The following DEPDC5 variants were observed in gnomAD, a reference collection of about 807,000 sequenced individuals.
DEPDC5 encodes the protein DEP domain containing 5, GATOR1 subcomplex subunit.
Under a neutral mutation model 217.3 loss-of-function variants are expected in DEPDC5, and 73 were observed. The observed-to-expected ratio is 0.34, with a 90% CI of 0.28 to 0.41. The LOEUF (loss-of-function observed/expected upper bound fraction) is 0.41, where lower values mean the gene tolerates loss of function less well. Ranked by LOEUF, DEPDC5 falls within the 10% of genes least tolerant of loss-of-function variation. The pLI is 1.00. For synonymous variants in DEPDC5, 733 were observed against 756.7 expected, an observed-to-expected ratio of 0.97 and a Z score of 0.51; for missense variants, 1,675 against 2,070.1, an observed-to-expected ratio of 0.81 and a Z score of 3.70.
intron 2 of DEPDC5, among the ~76,000 whole-genome samples, chr22:31,755,928 A>C (rs1052957296): frequency 6.6e-6 from 1 of 151,430 alleles, no homozygotes; most frequent in South Asian, 2.1e-4. Flanking sequence ...GCTGGAGTGC[A>C]GTGGCGTGAT....
intron 31 of DEPDC5, among the ~76,000 whole-genome samples, chr22:31,852,309 T>C (rs1369116179): frequency 1.3e-5 from 2 of 151,932 alleles, no homozygotes; most frequent in African/African-American, 4.8e-5. Flanking sequence ...ATCCAACTTA[T>C]GTTTTCCTTT....
intron 7 of DEPDC5, among the ~76,000 whole-genome samples, chr22:31,776,511 G>C (rs150160291): frequency 6.7e-6 from 1 of 148,476 alleles, no homozygotes; most frequent in Non-Finnish European, 1.5e-5. Flanking sequence ...GCCTAGACCA[G>C]TTTCTCTTCA....
chr22:31,806,074 TA>T, intron 17 of DEPDC5, 47 bp from the exon 18 acceptor site: 1 of 1,557,776 alleles, frequency 6.4e-7, no homozygotes, highest in Non-Finnish European at 8.8e-7. Context: ...TTTTGAGTTT[TA>T]AAATAAAGGG....
At chr22:31,794,871 G>A (rs1187511401) in intron 12 of DEPDC5, among the ~76,000 whole-genome samples, 3 of 151,932 alleles carry the variant, frequency 2.0e-5, no homozygotes, top group Admixed American at 6.6e-5. Flanking sequence ...GGGTGACATA[G>A]TGAGACCCTG....
At chr22:31,885,491 C>A (rs1440958709) in intron 38 of DEPDC5, among the ~76,000 whole-genome samples, 1 of 151,980 alleles carries the variant, frequency 6.6e-6, no homozygotes, top group African/African-American at 2.4e-5. Flanking sequence ...TTTGGGAGGC[C>A]GAGGCGGGTG....
intron 8 of DEPDC5, among the ~76,000 whole-genome samples, chr22:31,782,054 C>G (rs1006900738): frequency 1.3e-5 from 2 of 151,880 alleles, no homozygotes; most frequent in African/African-American, 4.8e-5. Flanking sequence ...ACAAAAACAA[C>G]TTTAATTATT....
At chr22:31,885,789 A>G (rs2093295090) in intron 38 of DEPDC5, among the ~76,000 whole-genome samples, 1 of 150,550 alleles carries the variant, frequency 6.6e-6, no homozygotes, top group Admixed American at 6.6e-5. Context: ...TAATCCCAAC[A>G]CTTTGGGAGG....
chr22:31,898,466 G>C (rs1282297566), intron 40 of DEPDC5, among the ~76,000 whole-genome samples: 1 of 152,188 alleles, frequency 6.6e-6, no homozygotes, highest in Non-Finnish European at 1.5e-5. Flanking sequence ...CAAAGCTAGG[G>C]TTGATGCTGA....
chr22:31,779,592 G>T (rs1373549543), intron 8 of DEPDC5, among the ~76,000 whole-genome samples: 1 of 152,170 alleles, frequency 6.6e-6, no homozygotes, highest in Non-Finnish European at 1.5e-5. Flanking sequence ...AGAATCCATT[G>T]ATGGGTTTTA....
At chr22:31,785,587 CT>C (rs138287) in intron 10 of DEPDC5, among the ~76,000 whole-genome samples, 56,898 of 144,406 alleles carry the variant, frequency 0.39, 11,521 homozygotes, top group Middle Eastern at 0.56. Context: ...ATACCAGTGC[CT>C]TTTTTTTTTT....
chr22:31,860,637 G>A (rs1220755788), intron 32 of DEPDC5, among the ~76,000 whole-genome samples: 1 of 152,048 alleles, frequency 6.6e-6, no homozygotes, highest in Non-Finnish European at 1.5e-5. Flanking sequence ...GCTTTAGAAA[G>A]CCCCTCACAA....
intron 27 of DEPDC5, among the ~76,000 whole-genome samples, chr22:31,842,575 CAA>C (rs56671305): frequency 0.038 from 2,779 of 73,418 alleles, 24 homozygotes; most frequent in Middle Eastern, 0.061. Flanking sequence ...AACTCCATCT[CAA>C]AAAAAAAAAA....
intron 31 of DEPDC5, among the ~76,000 whole-genome samples, chr22:31,855,210 A>G (rs1002787613): frequency 1.3e-5 from 2 of 151,810 alleles, no homozygotes; most frequent in Non-Finnish European, 2.9e-5. Context: ...TGATCCACCC[A>G]CCTTGGCCTC....
rs181221279 is a variant in DEPDC5 at position 31,899,635 on chromosome 22, G to T, written c.4375+1982G>T. The stretch of plus-strand genomic sequence containing the variant: ...TTGAATTCCTGACCTCAGGTGATCT[G>T]CCCGCCTCGGCTTCCCAAAGTTCTG... On this transcript the variant is annotated intron_variant, in intron 40 of 42. Transcript: ENST00000651528. Among the ~76,000 whole-genome samples the T allele has an allele frequency of 5.1e-4, 77 of 152,220 alleles. 1 individual carries two copies. The highest frequency in any genetic ancestry group is 1.8e-3 in the African/African-American group (73 of 41,534).
At chr22:31,895,108 C>T (rs1010081917) in intron 39 of DEPDC5, among the ~76,000 whole-genome samples, 6 of 145,132 alleles carry the variant, frequency 4.1e-5, no homozygotes, top group African/African-American at 1.3e-4. Flanking sequence ...CGCGCCATTG[C>T]ACTCCAGCCT....
chr22:31,865,988 CCT>C (rs1202439223), intron 33 of DEPDC5, among the ~76,000 whole-genome samples: 3 of 152,178 alleles, frequency 2.0e-5, no homozygotes, highest in African/African-American at 7.2e-5. Context: ...TCTCTACCAG[CCT>C]CCAGGCACAG....
intron 10 of DEPDC5, among the ~76,000 whole-genome samples, chr22:31,791,339 C>T (rs2085607418): frequency 6.6e-6 from 1 of 152,016 alleles, no homozygotes; most frequent in African/African-American, 2.4e-5. Flanking sequence ...TGCTGAGCCA[C>T]CTGGATTAAG....
intron 25 of DEPDC5, chr22:31,834,398 A>G (rs999188295): frequency 2.5e-5 from 5 of 201,122 alleles, no homozygotes; most frequent in African/African-American, 6.8e-5. Flanking sequence ...TTGAATAGCT[A>G]TGCAGTAAGA....
At chr22:31,875,450 C>T (rs754881691) in intron 36 of DEPDC5, 1 of 151,776 alleles carries the variant, frequency 6.6e-6, no homozygotes. Flanking sequence ...CTCTATCATA[C>T]GTGTTTATAT....
Sources: allele counts gnomAD v4.1 joint callset (sites outside exome capture counted in the v4.1 genomes callset), GRCh38; gene constraint gnomAD v4.1.1; transcripts MANE v1.5; gene names NCBI Gene and HGNC (gene_info 2026-07-23, HGNC 2026-07-21).